WDR36: variants seen among roughly 807,000 people sequenced by gnomAD.
The protein encoded by WDR36 is WD repeat-containing protein 36.
WDR36 carries 63 observed loss-of-function variants against 112.7 expected under a neutral mutation model. The observed-to-expected ratio is 0.56, with a 90% CI of 0.46 to 0.69. WDR36 has a LOEUF of 0.69. Ranked by LOEUF, WDR36 falls within the 30% of genes least tolerant of loss-of-function variation. WDR36 has a pLI of 0.00. For synonymous variants in WDR36, 410 were observed against 362.2 expected (o/e 1.13, Z -1.50); for missense variants, 1,226 against 1,070.3 (o/e 1.15, Z -2.03).
intron 1 of WDR36, among the ~76,000 whole-genome samples, chr5:111,094,388 G>A (rs1386299807): frequency 6.6e-6 from 1 of 152,056 alleles, no homozygotes; most frequent in Non-Finnish European, 1.5e-5. Flanking sequence ...CCATGATTGG[G>A]GTCAGCAAAT....
Position 111,129,735 on chromosome 5 carries a change from T to G in WDR36, c.*2852T>G, listed in dbSNP as rs1753750950. 1 of 199,424 alleles carries G rather than the reference T, an allele frequency of 5.0e-6. No homozygotes were observed. The highest frequency in any genetic ancestry group is 1.0e-5 in the Non-Finnish European group (1 of 96,698). The allele number at this position is 199,424 out of a possible 1,614,324, so 12.4% of individuals were successfully genotyped here. A position where few individuals can be genotyped will look rare whatever the true frequency, so the allele number is the denominator to read the frequency against. The stretch of plus-strand genomic sequence containing the variant: ...AATTGATTAATTTTCATGACTTATT[T>G]CAGGATATAAAGCAAATTATTTTCT... On this transcript the variant is annotated 3_prime_UTR_variant, in exon 23 of 23. Coordinates refer to ENST00000513710, the MANE Select transcript of WDR36 (RefSeq NM_139281.3).
At chr5:111,112,765 A>G (rs1753368111) in intron 15 of WDR36, among the ~76,000 whole-genome samples, 1 of 151,856 alleles carries the variant, frequency 6.6e-6, no homozygotes, top group South Asian at 2.1e-4. Flanking sequence ...CTATAAATAA[A>G]TAGAAGATTG....
At chr5:111,094,732 C>A (rs113984188) in intron 1 of WDR36, among the ~76,000 whole-genome samples, 188 bp from the exon 2 acceptor site, 1 of 152,122 alleles carries the variant, frequency 6.6e-6, no homozygotes, top group Admixed American at 6.5e-5. Flanking sequence ...CCTTCCATCA[C>A]CACTCCTGGT....
chr5:111,115,386 A>G (rs1753435425), intron 16 of WDR36, among the ~76,000 whole-genome samples: 1 of 152,148 alleles, frequency 6.6e-6, no homozygotes, highest in South Asian at 2.1e-4. Context: ...TGTAGGTACT[A>G]TTACTGTTAT....
chr5:111,114,378 C>T (rs890271981), intron 16 of WDR36, among the ~76,000 whole-genome samples: 1 of 152,186 alleles, frequency 6.6e-6, no homozygotes, highest in African/African-American at 2.4e-5. Flanking sequence ...TGTTCACTTC[C>T]TCTTCCTACT....
At chr5:111,093,310 A>G (rs554841348) in intron 1 of WDR36, among the ~76,000 whole-genome samples, 4 of 152,354 alleles carry the variant, frequency 2.6e-5, no homozygotes, top group Non-Finnish European at 1.5e-5. Flanking sequence ...CTTCTCCGAA[A>G]GAATGTAACC....
intron 16 of WDR36, among the ~76,000 whole-genome samples, chr5:111,113,790 A>G (rs1753398188): frequency 6.6e-6 from 1 of 152,100 alleles, no homozygotes; most frequent in Non-Finnish European, 1.5e-5. Flanking sequence ...TCACAGAGTA[A>G]GGGGACTGAG....
rs1235154179 is a variant in WDR36 at position 111,106,095 on chromosome 5, C to A, written c.1132C>A (p.Gln378Lys). Residue 378 changes from glutamine (Q) to lysine (K), a missense_variant, in exon 11 of 23, where the codon CAG becomes AAG. Transcript: ENST00000513710. ...NKKRVKRKGL[Q>K]NTMSVRLPPI... ...AAAGAGAGTTAAACGTAAAGGACTT[C>A]AGAATACCATGTCAGTGAGACTTCC... 8 of 1,609,862 alleles carry A rather than the reference C, an allele frequency of 5.0e-6. No homozygotes were observed. The highest frequency in any genetic ancestry group is 1.3e-5 in the African/African-American group (1 of 74,658).
At chr5:111,104,451 A>G in intron 8 of WDR36, 99 bp downstream of exon 8, 1 of 1,525,360 alleles carries the variant, frequency 6.6e-7, no homozygotes, top group Non-Finnish European at 9.1e-7. Flanking sequence ...CTAGAAGATG[A>G]AAGGAATATG....
chr5:111,097,684 G>T (rs1753022011), intron 3 of WDR36, among the ~76,000 whole-genome samples: 1 of 152,146 alleles, frequency 6.6e-6, no homozygotes, highest in Non-Finnish European at 1.5e-5. Context: ...GATCTTTTCT[G>T]GTCTAAATCT....
chr5:111,111,850 C>T, intron 15 of WDR36, among the ~76,000 whole-genome samples: 1 of 151,742 alleles, frequency 6.6e-6, no homozygotes, highest in East Asian at 1.9e-4. Context: ...ATAAATTTGT[C>T]ACTTGAGGAC....
intron 3 of WDR36, among the ~76,000 whole-genome samples, chr5:111,098,106 T>C (rs770762418): frequency 6.6e-6 from 1 of 151,962 alleles, no homozygotes; most frequent in African/African-American, 2.4e-5. Context: ...GGGAACAAAA[T>C]AGGGGTGGGG....
At chr5:111,115,281 T>C (rs1753432649) in intron 16 of WDR36, among the ~76,000 whole-genome samples, 1 of 152,230 alleles carries the variant, frequency 6.6e-6, no homozygotes, top group African/African-American at 2.4e-5. Flanking sequence ...TGAATAACTA[T>C]CCAACAACTG....
chr5:111,122,192 T>A (rs1417468547), intron 19 of WDR36, among the ~76,000 whole-genome samples: 1 of 152,026 alleles, frequency 6.6e-6, no homozygotes, highest in Non-Finnish European at 1.5e-5. Flanking sequence ...TTAAAGGGAG[T>A]ACTTTATGAA....
At chr5:111,109,486 A>G (rs1352005313) in intron 12 of WDR36, among the ~76,000 whole-genome samples, 1 of 151,386 alleles carries the variant, frequency 6.6e-6, no homozygotes, top group Non-Finnish European at 1.5e-5. Context: ...CTTAGTTTGT[A>G]TAAGTCATCT....
At chr5:111,114,481 C>G (rs1004944997) in intron 16 of WDR36, among the ~76,000 whole-genome samples, 1 of 152,166 alleles carries the variant, frequency 6.6e-6, no homozygotes, top group Non-Finnish European at 1.5e-5. Flanking sequence ...CGAAACAGGC[C>G]TGAGGCATAC....
rs1753203381 is a variant in WDR36, at chr5:111,105,346, A to G, written c.1079A>G (p.Lys360Arg). 6.2e-7 allele frequency: 1 copy of G among 1,609,934 alleles called. No individual in the cohort carries two copies. The highest frequency in any genetic ancestry group is 8.5e-7 in the Non-Finnish European group (1 of 1,177,128). The part of the protein sequence containing the change: ...SFSTVHEKFN[K>R]SLGHGLINKK... Reference sequence around the variant, plus strand: ...TCCACGGTACATGAAAAATTCAATAAGAGCTTGGGACATGGTAGGTCCTCT... The same window carrying G: ...TCCACGGTACATGAAAAATTCAATAGGAGCTTGGGACATGGTAGGTCCTCT... The change falls in exon 10 of 23, where the codon AAG (lysine) becomes AGG (arginine). Residue 360 changes from lysine (K) to arginine (R), a missense_variant. By Grantham distance (26) the Lys-to-Arg change is conservative. Coordinates refer to ENST00000513710, the MANE Select transcript of WDR36 (RefSeq NM_139281.3).
At position 111,104,071 on chromosome 5, in the gene WDR36, A is replaced by G. The variant is rs907230101; in HGVS notation, c.731-106A>G. On this transcript the variant is annotated intron_variant, in intron 7 of 22. Transcript: ENST00000513710. Reference sequence around the variant, plus strand: ...AGAAATATGAATAGATTATTGGTATATAGTTTTTTTCTAACTTTATGGATT... The same window carrying G: ...AGAAATATGAATAGATTATTGGTATGTAGTTTTTTTCTAACTTTATGGATT... 3 of 1,384,132 alleles carry G rather than the reference A, an allele frequency of 2.2e-6. No individual in the cohort carries two copies. The African/African-American group carries it at 4.4e-5, about 20-fold the overall frequency. The allele number at this position is 1,384,132 out of a possible 1,614,324, so 85.7% of individuals were successfully genotyped here.
In WDR36 at chr5:111,108,104, G is replaced by T. The variant is rs539406643; in HGVS notation, c.1326+665G>T. Among the ~76,000 whole-genome samples the T allele has an allele frequency of 7.9e-5, 12 of 151,358 alleles. No individual in the cohort carries two copies. The South Asian group carries it at 2.5e-3, about 31-fold the overall frequency. On this transcript the variant is annotated intron_variant, in intron 12 of 22. Transcript: ENST00000513710. ...GTTGTCTCTGATCTATGAACATGGG[G>T]TGTTTTTCCATTTGTTTAGATCTTC...
Sources: gnomAD v4.1 joint callset for allele counts (sites outside exome capture counted in the v4.1 genomes callset) on GRCh38, gnomAD v4.1.1 for gene constraint, MANE v1.5 for transcripts, NCBI Gene and HGNC (gene_info 2026-07-23, HGNC 2026-07-21) for gene names.